Variants in PRDM16 observed in about 807,000 individuals in gnomAD.
The protein encoded by PRDM16 is PR/SET domain 16, also known as histone-lysine N-methyltransferase PRDM16.
PRDM16 carries 23 observed loss-of-function variants against 110.6 expected under a neutral mutation model. The observed-to-expected ratio is 0.21, with a 90% CI of 0.15 to 0.29. The LOEUF (loss-of-function observed/expected upper bound fraction) is 0.29. PRDM16 is among the 10% of genes least tolerant of loss of function. The pLI is 1.00. For missense variants in PRDM16, 1,615 were observed against 1,794.3 expected (o/e 0.90, Z 1.81); for synonymous variants, 799 against 781.8 (o/e 1.02, Z -0.37).
rs889458704 is a variant in PRDM16, at chr1:3,339,737, G to A, written c.439-45415G>A. Reference sequence around the variant, plus strand: ...TGCCTCAGCCTCCCTCAGAACTGTGGGAGACGGGGCTAAACTCCCCCCTCA... The same window carrying A: ...TGCCTCAGCCTCCCTCAGAACTGTGAGAGACGGGGCTAAACTCCCCCCTCA... On this transcript the variant is annotated intron_variant, in intron 3 of 16. Transcript: ENST00000270722. The surrounding 1 kb of genome is among the most constrained non-coding windows in gnomAD (Gnocchi z 5.0). Among the ~76,000 whole-genome samples, 4 of 152,130 alleles carry A rather than the reference G, an allele frequency of 2.6e-5. No homozygotes were observed. Among genetic ancestry groups the A allele is most frequent in the African/African-American group, 9.7e-5 (4 of 41,422 alleles).
rs375259092 is a variant in PRDM16 at position 3,412,433 on chromosome 1, G to A, written c.2236G>A (p.Ala746Thr). ...TTACCCCTTCACGGACCGAGCCCTC[G>A]CCCACAACTTGCTGGTCAAGGCCGA... ...SLYPFTDRALAHNLLVKAEPK... is the reference protein window; with the variant it reads ...SLYPFTDRALTHNLLVKAEPK... Residue 746 changes from alanine (A) to threonine (T), a missense_variant, in exon 9 of 17, where the codon GCC becomes ACC. By Grantham distance (58) the Ala-to-Thr change is moderately conservative. Coordinates refer to ENST00000270722, the MANE Select transcript of PRDM16 (RefSeq NM_022114.4). 41 of 1,612,004 alleles carry A rather than the reference G, an allele frequency of 2.5e-5. 1 individual carries two copies. Among genetic ancestry groups the A allele is most frequent in the African/African-American group, 2.0e-4 (15 of 74,838 alleles).
rs532607614 is a variant in PRDM16, at chr1:3,304,467, T to A, written c.438+60330T>A. On this transcript the variant is annotated intron_variant, in intron 3 of 16. Transcript: ENST00000270722. Reference sequence around the variant, plus strand: ...TGCCTGCCCCGTTTTATACGAACAATGAAAGCCTGCATTGCATCCTTGGCG... The same window carrying A: ...TGCCTGCCCCGTTTTATACGAACAAAGAAAGCCTGCATTGCATCCTTGGCG... Among the ~76,000 whole-genome samples, 3 of 152,346 alleles carry A rather than the reference T, an allele frequency of 2.0e-5. No homozygotes were observed. In the South Asian group the frequency reaches 6.2e-4, roughly 32 times the overall value.
chr1:3,077,029 A>G (rs1641916020), intron 1 of PRDM16, among the ~76,000 whole-genome samples: 3 of 152,294 alleles, frequency 2.0e-5, no homozygotes, highest in Admixed American at 1.3e-4. Context: ...CTCTGGGGCC[A>G]GTCCCCATTG....
chr1:3,259,409 A>G (rs921058025), intron 3 of PRDM16, among the ~76,000 whole-genome samples: 18 of 152,140 alleles, frequency 1.2e-4, no homozygotes, highest in African/African-American at 4.3e-4. Flanking sequence ...GGTAGAGGCC[A>G]CCCCTTGCAG....
chr1:3,356,125 C>T (rs1430213576), intron 3 of PRDM16, among the ~76,000 whole-genome samples: 1 of 152,226 alleles, frequency 6.6e-6, no homozygotes, highest in African/African-American at 2.4e-5. Flanking sequence ...CCCATGACTC[C>T]CACGAGGGCG....
chr1:3,088,729 C>T (rs991246883), intron 1 of PRDM16, among the ~76,000 whole-genome samples: 9 of 150,724 alleles, frequency 6.0e-5, no homozygotes, highest in African/African-American at 2.2e-4. Flanking sequence ...GGATTACAGG[C>T]GTGAGTCACG....
At position 3,434,785 on chromosome 1, in the gene PRDM16, C is replaced by G. The variant is rs976332204; in HGVS notation, c.*974C>G. On this transcript the variant is annotated 3_prime_UTR_variant, in exon 17 of 17. Transcript: ENST00000270722. ...GTGGCCGGGCACCCATCTTCCTTCC[C>G]TCCTCTGTCCCTGCCTCGGCCACCC... 1 of 232,508 alleles carries G rather than the reference C, an allele frequency of 4.3e-6. No individual in the cohort carries two copies. The highest frequency in any genetic ancestry group is 8.5e-6 in the Non-Finnish European group (1 of 117,548). The allele number at this position is 232,508 out of a possible 1,614,324, so 14.4% of individuals were successfully genotyped here. A position where few individuals can be genotyped will look rare whatever the true frequency, so the allele number is the denominator to read the frequency against.
intron 5 of PRDM16, among the ~76,000 whole-genome samples, chr1:3,398,585 G>A (rs916816465): frequency 7.9e-5 from 12 of 152,248 alleles, no homozygotes; most frequent in Non-Finnish European, 1.3e-4. Flanking sequence ...GAGTCTGGTA[G>A]ATTAGTACGT....
chr1:3,316,383 C>T (rs920364402), intron 3 of PRDM16, among the ~76,000 whole-genome samples: 1 of 152,168 alleles, frequency 6.6e-6, no homozygotes, highest in Non-Finnish European at 1.5e-5. Context: ...ACGGGACCCC[C>T]GGTCTCAGTT....
At chr1:3,346,620 G>A (rs927946789) in intron 3 of PRDM16, among the ~76,000 whole-genome samples, 3 of 152,008 alleles carry the variant, frequency 2.0e-5, no homozygotes, top group Non-Finnish European at 4.4e-5. Context: ...CGAGCCTCTC[G>A]ATGGCCAGCC....
Position 3,328,471 on chromosome 1 carries a change from G to A in PRDM16, c.439-56681G>A, listed in dbSNP as rs146829733. ...AGCATGCGCGGAGCTTTCGTCACTCGCCTGGCAGCCGGGGCTCTTAGGAAA... is the reference window on the plus strand; with the variant it reads ...AGCATGCGCGGAGCTTTCGTCACTCACCTGGCAGCCGGGGCTCTTAGGAAA... On this transcript the variant is annotated intron_variant, in intron 3 of 16. Transcript: ENST00000270722. Among the ~76,000 whole-genome samples, 17 of 152,252 alleles carry A rather than the reference G, an allele frequency of 1.1e-4. No homozygotes were observed. The East Asian group carries it at 2.5e-3, about 23-fold the overall frequency.
rs1323477767 is a variant in PRDM16, at chr1:3,270,219, AGAGGAGGACAGTCAG to A, written c.438+26096_438+26110del. 1.2e-4 allele frequency among the ~76,000 whole-genome samples: 17 copies of A among 140,230 alleles called. No homozygotes were observed. In the East Asian group the frequency reaches 3.5e-3, roughly 29 times the overall value. 92.0% of individuals were successfully genotyped at this position (140,230 alleles called of 152,430 possible). ...GACAGTCCCGGAGGAGGACAGTCCC[AGAGGAGGACAGTCAG>A]GAGGAGGACAGTCCAGGAGAAGGAC... On this transcript the variant is annotated intron_variant, in intron 3 of 16. Coordinates refer to ENST00000270722, the MANE Select transcript of PRDM16 (RefSeq NM_022114.4).
intron 3 of PRDM16, among the ~76,000 whole-genome samples, chr1:3,327,172 G>A (rs1641931489): frequency 6.6e-6 from 1 of 152,236 alleles, no homozygotes; most frequent in Non-Finnish European, 1.5e-5. Flanking sequence ...ATTGTCACTT[G>A]GCAGGGCACC....
At chr1:3,235,598 G>C (rs1167521907) in intron 2 of PRDM16, among the ~76,000 whole-genome samples, 1 of 152,158 alleles carries the variant, frequency 6.6e-6, no homozygotes, top group Non-Finnish European at 1.5e-5. Flanking sequence ...CCTCCTGCCA[G>C]TCCCCACACC....
intron 1 of PRDM16, among the ~76,000 whole-genome samples, chr1:3,181,860 G>T (rs905061398): frequency 2.2e-5 from 2 of 92,024 alleles, no homozygotes; most frequent in Non-Finnish European, 4.8e-5. Context: ...TCTTACACAC[G>T]CAGTCTTACA....
intron 1 of PRDM16, 99 bp from the exon 2 acceptor site, chr1:3,186,026 C>G (rs995167767): frequency 2.5e-5 from 26 of 1,035,772 alleles, no homozygotes; most frequent in Non-Finnish European, 3.6e-5. Context: ...CCTGAGCACC[C>G]TCGGTGCCCA....
chr1:3,371,190 C>T (rs1047282767), intron 3 of PRDM16, among the ~76,000 whole-genome samples: 1 of 104,488 alleles, frequency 9.6e-6, no homozygotes, highest in African/African-American at 5.2e-5. Context: ...TCCATCCATC[C>T]ATCCATCCAT....
At chr1:3,095,869 C>T (rs531912380) in intron 1 of PRDM16, among the ~76,000 whole-genome samples, 2 of 152,190 alleles carry the variant, frequency 1.3e-5, no homozygotes, top group Non-Finnish European at 2.9e-5. Flanking sequence ...TGTGCGGGTC[C>T]TCATGCTCAG....
intron 1 of PRDM16, among the ~76,000 whole-genome samples, chr1:3,121,131 C>G (rs1478798441): frequency 6.6e-6 from 1 of 152,138 alleles, no homozygotes; most frequent in Non-Finnish European, 1.5e-5. Flanking sequence ...GAGGCTGAGG[C>G]CAGAGGACAG....
Sources: gnomAD v4.1 joint callset for allele counts (sites outside exome capture counted in the v4.1 genomes callset) on GRCh38, gnomAD v4.1.1 for gene constraint, Gnocchi (gnomAD v3.1) non-coding constraint, MANE v1.5 for transcripts, NCBI Gene and HGNC (gene_info 2026-07-23, HGNC 2026-07-21) for gene names.